Variants in CDH18 observed in about 807,000 individuals in gnomAD.
CDH18 encodes the protein cadherin-18.
CDH18 carries 31 observed loss-of-function variants against 67.9 expected under a neutral mutation model. That is an observed-to-expected ratio of 0.46 (90% CI 0.34 to 0.62). CDH18 has a LOEUF of 0.62. Ranked by LOEUF, CDH18 falls within the 20% of genes least tolerant of loss-of-function variation. The probability of loss-of-function intolerance (pLI) is 0.01; values close to 1 mark genes in which losing one functional copy is unlikely to be tolerated. For missense variants in CDH18, 890 were observed against 975.5 expected (o/e 0.91, Z 1.17); for synonymous variants, 362 against 347.2 (o/e 1.04, Z -0.48).
chr5:20,436,164 G>A (rs191192239), intron 1 of CDH18, among the ~76,000 whole-genome samples: 52 of 152,082 alleles, frequency 3.4e-4, no homozygotes, highest in African/African-American at 1.2e-3. Flanking sequence ...CAGCCCAGGG[G>A]AAGAAAATAA....
intron 2 of CDH18, among the ~76,000 whole-genome samples, chr5:19,934,885 G>T (rs1350241309): frequency 6.6e-6 from 1 of 151,298 alleles, no homozygotes; most frequent in Non-Finnish European, 1.5e-5. Context: ...AGTCCTGATT[G>T]CTTTGTTAAA....
intron 2 of CDH18, among the ~76,000 whole-genome samples, chr5:20,207,350 G>A (rs927332627): frequency 1.3e-5 from 2 of 151,834 alleles, no homozygotes; most frequent in African/African-American, 4.8e-5. Context: ...TTAAAAAAAG[G>A]TATTCCAAGC....
intron 2 of CDH18, among the ~76,000 whole-genome samples, chr5:20,147,459 A>G (rs1750738287): frequency 6.6e-6 from 1 of 152,134 alleles, no homozygotes; most frequent in Admixed American, 6.5e-5. Flanking sequence ...AGAAAACATA[A>G]AATAACAGAT....
At chr5:19,516,802 C>T (rs905101543) in intron 10 of CDH18, among the ~76,000 whole-genome samples, 1 of 151,616 alleles carries the variant, frequency 6.6e-6, no homozygotes, top group African/African-American at 2.4e-5. Flanking sequence ...AAAAAACAAG[C>T]TCCTGGATTC....
chr5:20,036,003 AG>A (rs1739828308), intron 2 of CDH18, among the ~76,000 whole-genome samples: 1 of 151,912 alleles, frequency 6.6e-6, no homozygotes, highest in Non-Finnish European at 1.5e-5. Flanking sequence ...TTGAAGTTTG[AG>A]GGATGAAGAA....
At chr5:20,258,523 G>C (rs928767894) in intron 1 of CDH18, among the ~76,000 whole-genome samples, 5 of 152,124 alleles carry the variant, frequency 3.3e-5, no homozygotes, top group African/African-American at 1.2e-4. Context: ...TTTTAATGCT[G>C]TTTAACCTTA....
intron 2 of CDH18, among the ~76,000 whole-genome samples, chr5:20,074,002 G>A (rs1043184914): frequency 3.3e-5 from 5 of 151,992 alleles, no homozygotes; most frequent in African/African-American, 9.7e-5. Context: ...TTGATGTTGG[G>A]CTGAATTTTT....
chr5:19,936,196 C>T (rs1362608832), intron 2 of CDH18, among the ~76,000 whole-genome samples: 1 of 151,220 alleles, frequency 6.6e-6, no homozygotes, highest in Non-Finnish European at 1.5e-5. Context: ...TTTTCTGAGT[C>T]ATTTGTTGCC....
intron 2 of CDH18, among the ~76,000 whole-genome samples, chr5:20,236,703 T>A (rs1453069173): frequency 6.6e-6 from 1 of 151,986 alleles, no homozygotes; most frequent in Non-Finnish European, 1.5e-5. Flanking sequence ...ATTTAAAAAG[T>A]TCAACAAAGG....
intron 2 of CDH18, among the ~76,000 whole-genome samples, chr5:19,851,767 G>GTA (rs978183526): frequency 4.6e-5 from 7 of 151,372 alleles, no homozygotes; most frequent in Middle Eastern, 3.4e-3. Flanking sequence ...GTGTGTGTGT[G>GTA]TATATATATA....
At chr5:20,348,800 A>G (rs1338606800) in intron 1 of CDH18, among the ~76,000 whole-genome samples, 3 of 152,106 alleles carry the variant, frequency 2.0e-5, no homozygotes, top group Non-Finnish European at 2.9e-5. Context: ...TTGCAGTCCC[A>G]TCCCCACCCT....
At chr5:20,323,942 C>T (rs889883074) in intron 1 of CDH18, among the ~76,000 whole-genome samples, 12 of 152,290 alleles carry the variant, frequency 7.9e-5, no homozygotes, top group African/African-American at 2.9e-4. Flanking sequence ...TATAGCTGAC[C>T]TTATGGAAAG....
At position 19,723,172 on chromosome 5, in the gene CDH18, G is replaced by A. The variant is rs555182143; in HGVS notation, c.524-1706C>T. ...TAATCCCAGCTACTTGGGAGGCTGA[G>A]GCAGGAGAATTGCTTGAACCTGGGA... is the stretch of plus-strand genomic sequence containing the variant. On this transcript the variant is annotated intron_variant, in intron 4 of 12. Coordinates refer to ENST00000382275, the MANE Select transcript of CDH18 (RefSeq NM_004934.5). Among the ~76,000 whole-genome samples the A allele has an allele frequency of 7.6e-3, 1,164 of 152,212 alleles. 15 individuals are homozygous for A. Among genetic ancestry groups the A allele is most frequent in the African/African-American group, 0.027 (1,103 of 41,530 alleles).
At chr5:19,845,395 C>T (rs537571973) in intron 2 of CDH18, among the ~76,000 whole-genome samples, 6 of 152,266 alleles carry the variant, frequency 3.9e-5, no homozygotes, top group African/African-American at 1.2e-4. Flanking sequence ...TCATTTTACA[C>T]TTCTTGAATT....
chr5:19,837,792 G>A (rs1337802361), intron 3 of CDH18, among the ~76,000 whole-genome samples: 2 of 119,780 alleles, frequency 1.7e-5, no homozygotes, highest in African/African-American at 3.1e-5. Context: ...GCTAAAGTGA[G>A]AATAAATCAT....
At chr5:20,267,368 A>G (rs1354086431) in intron 1 of CDH18, among the ~76,000 whole-genome samples, 1 of 152,182 alleles carries the variant, frequency 6.6e-6, no homozygotes, top group East Asian at 1.9e-4. Context: ...AGGCAATGTG[A>G]TGCCTCCAGC....
intron 1 of CDH18, among the ~76,000 whole-genome samples, chr5:20,411,084 T>G (rs1321047951): frequency 6.6e-6 from 1 of 152,012 alleles, no homozygotes; most frequent in African/African-American, 2.4e-5. Context: ...CAATTAATTT[T>G]TTATAAAATA....
intron 1 of CDH18, among the ~76,000 whole-genome samples, chr5:20,437,313 C>T (rs1749246113): frequency 6.6e-6 from 1 of 151,080 alleles, no homozygotes; most frequent in Non-Finnish European, 1.5e-5. Flanking sequence ...CTATATGTAA[C>T]TTGATAGAAT....
chr5:19,529,893 G>T (rs1239101722), intron 9 of CDH18, among the ~76,000 whole-genome samples: 1 of 152,056 alleles, frequency 6.6e-6, no homozygotes, highest in Non-Finnish European at 1.5e-5. Context: ...TAGATTCAGT[G>T]TAATACCAAC....
Sources: allele counts gnomAD v4.1 joint callset (sites outside exome capture counted in the v4.1 genomes callset), GRCh38; gene constraint gnomAD v4.1.1; transcripts MANE v1.5; gene names NCBI Gene and HGNC (gene_info 2026-07-23, HGNC 2026-07-21).